Variants in GRID2 observed in about 807,000 individuals in gnomAD.
GRID2 encodes the protein glutamate ionotropic receptor delta type subunit 2, also known as glutamate receptor ionotropic, delta-2.
Under a neutral mutation model 114.8 loss-of-function variants are expected in GRID2, and 33 were observed. That is an observed-to-expected ratio of 0.29 (90% CI 0.22 to 0.38). The LOEUF (loss-of-function observed/expected upper bound fraction) is 0.38, where lower values mean the gene tolerates loss of function less well. GRID2 is among the 10% of genes least tolerant of loss of function. The probability of loss-of-function intolerance (pLI) is 1.00; values close to 1 mark genes in which losing one functional copy is unlikely to be tolerated. For synonymous variants in GRID2, 505 were observed against 449.9 expected (o/e 1.12, Z -1.55); for missense variants, 1,184 against 1,257.7 (o/e 0.94, Z 0.89).
rs138942349 is a variant in GRID2 at position 92,622,135 on chromosome 4, C to A, written c.244+31849C>A. Among the ~76,000 whole-genome samples, 254 of 151,606 alleles carry A rather than the reference C, an allele frequency of 1.7e-3. 1 individual carries two copies. The highest frequency in any genetic ancestry group is 5.7e-3 in the African/African-American group (238 of 41,414). On this transcript the variant is annotated intron_variant, in intron 2 of 15. Transcript: ENST00000282020. ...ATTTGAAAATGCTACTGGGGAGAGT[C>A]AATTAGAGATGATGGATAATATTTC...
At chr4:92,626,607 A>T (rs561455736) in intron 2 of GRID2, among the ~76,000 whole-genome samples, 1 of 152,080 alleles carries the variant, frequency 6.6e-6, no homozygotes, top group Admixed American at 6.6e-5. Context: ...TGTTATTTGT[A>T]TAGTGCAGAG....
chr4:92,491,367 T>A (rs1174448100), intron 1 of GRID2, among the ~76,000 whole-genome samples: 2 of 152,152 alleles, frequency 1.3e-5, no homozygotes, highest in Non-Finnish European at 2.9e-5. Context: ...TGGATATTGA[T>A]GCTTTTATCT....
chr4:93,544,528 A>C (rs1434678252), intron 13 of GRID2, among the ~76,000 whole-genome samples: 12 of 152,134 alleles, frequency 7.9e-5, no homozygotes, highest in Non-Finnish European at 1.8e-4. Flanking sequence ...CTGTAATCCC[A>C]GTACTTTGAG....
intron 2 of GRID2, among the ~76,000 whole-genome samples, chr4:92,795,356 T>G (rs752974545): frequency 2.0e-5 from 3 of 151,854 alleles, no homozygotes; most frequent in African/African-American, 7.2e-5. Context: ...TGCTTTTGCT[T>G]CTTCCTCATT....
At chr4:92,676,250 G>A (rs920413254) in intron 2 of GRID2, among the ~76,000 whole-genome samples, 5 of 2,038 alleles carry the variant, frequency 2.5e-3, no homozygotes, top group Non-Finnish European at 3.6e-3. Flanking sequence ...GCGCTATCTC[G>A]GCTCACTGCA....
intron 2 of GRID2, among the ~76,000 whole-genome samples, chr4:92,959,665 C>T (rs1001130494): frequency 1.3e-5 from 2 of 152,054 alleles, no homozygotes; most frequent in Admixed American, 1.3e-4. Context: ...CCATGGAATA[C>T]AATGCAGCCA....
At chr4:92,924,178 TC>T (rs1428106174) in intron 2 of GRID2, among the ~76,000 whole-genome samples, 1 of 152,026 alleles carries the variant, frequency 6.6e-6, no homozygotes, top group African/African-American at 2.4e-5. Flanking sequence ...ATGTTCTCAC[TC>T]ACAGGTGGGA....
chr4:92,928,893 A>G (rs979795110), intron 2 of GRID2, among the ~76,000 whole-genome samples: 3 of 151,442 alleles, frequency 2.0e-5, no homozygotes, highest in Admixed American at 6.6e-5. Flanking sequence ...ATCTTTGGCA[A>G]CATATAGCAG....
intron 1 of GRID2, among the ~76,000 whole-genome samples, chr4:92,580,518 A>G (rs1230114059): frequency 6.6e-6 from 1 of 151,980 alleles, no homozygotes; most frequent in African/African-American, 2.4e-5. Context: ...ATTTTGGCCC[A>G]TTCAGATAGG....
At chr4:93,580,626 G>A (rs916329077) in intron 13 of GRID2, among the ~76,000 whole-genome samples, 1 of 152,138 alleles carries the variant, frequency 6.6e-6, no homozygotes, top group Non-Finnish European at 1.5e-5. Flanking sequence ...TATTCTAAAT[G>A]AGCATCACCA....
intron 1 of GRID2, among the ~76,000 whole-genome samples, chr4:92,537,932 T>G (rs1560696934): frequency 6.6e-6 from 1 of 152,064 alleles, no homozygotes; most frequent in Non-Finnish European, 1.5e-5. Flanking sequence ...TTGAAAACCC[T>G]CTCTCCATCT....
intron 13 of GRID2, among the ~76,000 whole-genome samples, chr4:93,538,591 T>C (rs1732341081): frequency 6.6e-6 from 1 of 151,754 alleles, no homozygotes; most frequent in South Asian, 2.1e-4. Context: ...AAACACTACC[T>C]TGATCAAGAT....
At chr4:93,720,153 A>AT in intron 14 of GRID2, among the ~76,000 whole-genome samples, 1 of 152,328 alleles carries the variant, frequency 6.6e-6, no homozygotes, top group Admixed American at 6.5e-5. Flanking sequence ...CCCAAAAAAA[A>AT]TGACTACAAG....
chr4:93,576,866 TA>T (rs34677803), intron 13 of GRID2, among the ~76,000 whole-genome samples: 1 of 151,900 alleles, frequency 6.6e-6, no homozygotes, highest in African/African-American at 2.4e-5. Flanking sequence ...GGAGATCAGG[TA>T]AAAAAGGGTG....
At chr4:92,730,180 G>A (rs144804829) in intron 2 of GRID2, among the ~76,000 whole-genome samples, 4 of 151,656 alleles carry the variant, frequency 2.6e-5, no homozygotes, top group Non-Finnish European at 5.9e-5. Flanking sequence ...CATAGCACTT[G>A]GGATAATATA....
At chr4:92,967,186 C>A (rs940508452) in intron 2 of GRID2, among the ~76,000 whole-genome samples, 1 of 151,874 alleles carries the variant, frequency 6.6e-6, no homozygotes, top group Non-Finnish European at 1.5e-5. Flanking sequence ...TATATTAAAT[C>A]TGGGAGCCTT....
intron 1 of GRID2, among the ~76,000 whole-genome samples, chr4:93,782,892 TACACACACACACACAC>T (rs57202855): frequency 2.0e-5 from 3 of 149,854 alleles, no homozygotes; most frequent in African/African-American, 4.9e-5. Context: ...CCATGAATCA[TACACACACACACACAC>T]ACACACACAC....
chr4:93,539,879 G>A (rs545238024), intron 13 of GRID2, among the ~76,000 whole-genome samples: 1 of 151,998 alleles, frequency 6.6e-6, no homozygotes, highest in South Asian at 2.1e-4. Context: ...AAATTTTACT[G>A]ATATGTCCAT....
chr4:92,537,785 GTGT>G (rs1161717975), intron 1 of GRID2, among the ~76,000 whole-genome samples: 98 of 57,544 alleles, frequency 1.7e-3, no homozygotes, highest in African/African-American at 0.011. Flanking sequence ...AAAACTTGCG[GTGT>G]GTGTGTGTGT....
Sources: allele counts gnomAD v4.1 joint callset (sites outside exome capture counted in the v4.1 genomes callset), GRCh38; gene constraint gnomAD v4.1.1; transcripts MANE v1.5; gene names NCBI Gene and HGNC (gene_info 2026-07-23, HGNC 2026-07-21).